Variants in FAM118B observed in about 807,000 individuals in gnomAD.
FAM118B encodes the protein protein FAM118B.
Under a neutral mutation model 38.5 loss-of-function variants are expected in FAM118B, and 24 were observed. The observed-to-expected ratio is 0.62, with a 90% CI of 0.45 to 0.88. FAM118B has a LOEUF of 0.88. Among genes scored for constraint, FAM118B ranks in the 40% least tolerant of loss-of-function variants. The probability of loss-of-function intolerance (pLI) is 0.00; values close to 1 mark genes in which losing one functional copy is unlikely to be tolerated. For synonymous variants in FAM118B, 138 were observed against 156.3 expected (o/e 0.88, Z 0.87); for missense variants, 334 against 420.0 (o/e 0.80, Z 1.79).
At chr11:126,236,415 G>A (rs1287109281) in intron 3 of FAM118B, among the ~76,000 whole-genome samples, 5 of 152,114 alleles carry the variant, frequency 3.3e-5, no homozygotes, top group Admixed American at 1.3e-4. Flanking sequence ...TAGCCACTCT[G>A]TTCTGATTCC....
At chr11:126,221,912 C>A (rs2135131694) in intron 1 of FAM118B, among the ~76,000 whole-genome samples, 1 of 152,116 alleles carries the variant, frequency 6.6e-6, no homozygotes, top group South Asian at 2.1e-4. Flanking sequence ...TGATTTTCCT[C>A]AAGCAGAAGT....
Position 126,262,406 on chromosome 11 carries a change from G to A in FAM118B, c.*273G>A. 2 of 522,666 alleles carry A rather than the reference G, an allele frequency of 3.8e-6. No individual in the cohort carries two copies. Among genetic ancestry groups the A allele is most frequent in the South Asian group, 5.1e-5 (2 of 39,152 alleles). 32.4% of individuals were successfully genotyped at this position (522,666 alleles called of 1,614,324 possible). A position where few individuals can be genotyped will look rare whatever the true frequency, so the allele number is the denominator to read the frequency against. On this transcript the variant is annotated 3_prime_UTR_variant, in exon 9 of 9. Coordinates refer to ENST00000533050, the MANE Select transcript of FAM118B (RefSeq NM_024556.4). ...CCCACTCCCCAGGCTAGACATGCTT[G>A]TGTCCACACAGCACACCAATGTGAT...
chr11:126,211,751 C>G (rs1307086448), upstream of FAM118B: 8 of 1,242,676 alleles, frequency 6.4e-6, no homozygotes, highest in Non-Finnish European at 7.8e-6. Context: ...CTGGGCGAGT[C>G]ACGTGGGGAC....
At chr11:126,226,789 T>A (rs1950147605) in intron 1 of FAM118B, among the ~76,000 whole-genome samples, 1 of 152,020 alleles carries the variant, frequency 6.6e-6, no homozygotes, top group Admixed American at 6.6e-5. Context: ...AAGACCAACC[T>A]GGACAACATG....
At position 126,229,592 on chromosome 11, in the gene FAM118B, A is replaced by G. The variant is rs564602132; in HGVS notation, c.-8+299A>G. Among the ~76,000 whole-genome samples, 49 of 152,182 alleles carry G rather than the reference A, an allele frequency of 3.2e-4. 1 individual carries two copies. The South Asian group carries it at 8.3e-3, about 26-fold the overall frequency. ...CGAGTAGCTGGGATTACAGGCGCCC[A>G]CCACCGCACCCGGCTAAATTTTGTA... On this transcript the variant is annotated intron_variant, in intron 2 of 8. Transcript: ENST00000533050.
chr11:126,237,818 C>T (rs1950299776), intron 3 of FAM118B, among the ~76,000 whole-genome samples: 2 of 137,648 alleles, frequency 1.5e-5, no homozygotes, highest in South Asian at 4.6e-4. Context: ...GATTGTGTCA[C>T]TGCACTCCAG....
intron 4 of FAM118B, among the ~76,000 whole-genome samples, chr11:126,245,600 A>G (rs1412338015): frequency 6.6e-6 from 1 of 152,060 alleles, no homozygotes; most frequent in Non-Finnish European, 1.5e-5. Context: ...AGGCTGAGGT[A>G]GGAGGATCAT....
chr11:126,244,570 G>A lies in FAM118B; in HGVS notation c.339+3526G>A, dbSNP rs779101519. On this transcript the variant is annotated intron_variant, in intron 4 of 8. Transcript: ENST00000533050. This position sits in a 1 kb window ranked among gnomAD's most constrained non-coding sequence, Gnocchi z 4.5. ...TGTTGTCTCAGCGCTTTGGGAGGCC[G>A]AGGTGGGCGGATCACCTGAGGTCGG... Among the ~76,000 whole-genome samples, 4 of 152,188 alleles carry A rather than the reference G, an allele frequency of 2.6e-5. No individual in the cohort carries two copies. Among genetic ancestry groups the A allele is most frequent in the Non-Finnish European group, 5.9e-5 (4 of 68,044 alleles).
chr11:126,256,238 C>T lies in FAM118B; in HGVS notation c.697-329C>T, dbSNP rs144917866. Among the ~76,000 whole-genome samples, 125 of 152,280 alleles carry T rather than the reference C, an allele frequency of 8.2e-4. No homozygotes were observed. Among genetic ancestry groups the T allele is most frequent in the African/African-American group, 2.9e-3 (119 of 41,570 alleles). On this transcript the variant is annotated intron_variant, in intron 6 of 8. Coordinates refer to ENST00000533050, the MANE Select transcript of FAM118B (RefSeq NM_024556.4). The surrounding 1 kb of genome is among the most constrained non-coding windows in gnomAD (Gnocchi z 6.6). ...CCGAGGTCACACCACTACACTCTAGCCCAGGTGAAAGAGTGAGACTCCGTC... is the reference window on the plus strand; with the variant it reads ...CCGAGGTCACACCACTACACTCTAGTCCAGGTGAAAGAGTGAGACTCCGTC...
Position 126,250,770 on chromosome 11 carries a change from T to A in FAM118B, c.567+37T>A, listed in dbSNP as rs376032816. ...AGCATTGGTCCCTTCTTCAGGCTAG[T>A]GGATTTTATCTTCCTCAGAAAAGCT... On this transcript the variant is annotated intron_variant, in intron 5 of 8. Coordinates refer to ENST00000533050, the MANE Select transcript of FAM118B (RefSeq NM_024556.4). The surrounding 1 kb of genome is among the most constrained non-coding windows in gnomAD (Gnocchi z 5.1). 6.8e-7 allele frequency: 1 copy of A among 1,475,850 alleles called. No homozygotes were observed. The highest frequency in any genetic ancestry group is 9.4e-7 in the Non-Finnish European group (1 of 1,068,024). The allele number at this position is 1,475,850 out of a possible 1,614,324, so 91.4% of individuals were successfully genotyped here.
chr11:126,262,185 A>C lies in FAM118B; in HGVS notation c.*52A>C, dbSNP rs774364059. On this transcript the variant is annotated 3_prime_UTR_variant, in exon 9 of 9. Transcript: ENST00000533050. The stretch of plus-strand genomic sequence containing the variant: ...AGACCAAGCTGTAAGGCCCTACTAC[A>C]GACAGTGTTTAACAAGTAAACTTAC... The C allele has an allele frequency of 6.3e-7, 1 of 1,595,318 alleles. No individual in the cohort carries two copies. Among genetic ancestry groups the C allele is most frequent in the Admixed American group, 1.7e-5 (1 of 59,776 alleles).
rs1565344117 is a variant in FAM118B at position 126,262,847 on chromosome 11, A to ACC, written c.*715_*716dup. 6.6e-6 allele frequency: 1 copy of ACC among 152,618 alleles called. No individual in the cohort carries two copies. Among genetic ancestry groups the ACC allele is most frequent in the African/African-American group, 2.4e-5 (1 of 41,458 alleles). The allele number at this position is 152,618 out of a possible 1,614,324, so 9.5% of individuals were successfully genotyped here. The stretch of plus-strand genomic sequence containing the variant: ...TATCAACTTCTGCTCTGTTGTCCTG[A>ACC]CCATACATATGTCCTAGAACTACAG... On this transcript the variant is annotated 3_prime_UTR_variant, in exon 9 of 9. Transcript: ENST00000533050.
intron 2 of FAM118B, among the ~76,000 whole-genome samples, chr11:126,230,616 CT>C (rs1265261027): frequency 6.6e-6 from 1 of 152,040 alleles, no homozygotes; most frequent in African/African-American, 2.4e-5. Context: ...GGCAAAAATA[CT>C]TTTTAAAACA....
At chr11:126,225,403 C>A (rs1376771708) in intron 1 of FAM118B, among the ~76,000 whole-genome samples, 1 of 152,196 alleles carries the variant, frequency 6.6e-6, no homozygotes, top group African/African-American at 2.4e-5. Context: ...GTGTACATCA[C>A]GTGTATTCTG....
At position 126,219,349 on chromosome 11, in the gene FAM118B, C is replaced by CTTTTTTTTTTTTTTTTTTTTTTTTT. The variant is rs549922825; in HGVS notation, c.-77+7535_-77+7559dup. ...AGCTTATCCTTCAGCTCTTGTTTAT[C>CTTTTTTTTTTTTTTTTTTTTTTTTT]TTTTTTTTTTTTTTTTTTTTTTTTT... is the stretch of plus-strand genomic sequence containing the variant. On this transcript the variant is annotated intron_variant, in intron 1 of 8. Transcript: ENST00000533050. Among the ~76,000 whole-genome samples, 8 of 44,466 alleles carry CTTTTTTTTTTTTTTTTTTTTTTTTT rather than the reference C, an allele frequency of 1.8e-4. 1 individual carries two copies. The highest frequency in any genetic ancestry group is 3.3e-4 in the Admixed American group (1 of 3,014). The allele number at this position is 44,466 out of a possible 152,430, so 29.2% of individuals were successfully genotyped here.
Position 126,253,947 on chromosome 11 carries a change from A to C in FAM118B, c.568-358A>C, listed in dbSNP as rs912050601. On this transcript the variant is annotated intron_variant, in intron 5 of 8. Coordinates refer to ENST00000533050, the MANE Select transcript of FAM118B (RefSeq NM_024556.4). The surrounding 1 kb of genome is among the most constrained non-coding windows in gnomAD (Gnocchi z 5.1). ...CCTGGAGTCACTCCGAAGAGGGGCC[A>C]CACAAGGGCCTGGATACAGAGGCTT... is the stretch of plus-strand genomic sequence containing the variant. 6.6e-6 allele frequency among the ~76,000 whole-genome samples: 1 copy of C among 152,342 alleles called. No homozygotes were observed. The highest frequency in any genetic ancestry group is 3.4e-3 in the Middle Eastern group (1 of 294).
At chr11:126,242,253 TG>T (rs1380245979) in intron 4 of FAM118B, among the ~76,000 whole-genome samples, 1 of 152,074 alleles carries the variant, frequency 6.6e-6, no homozygotes, top group Non-Finnish European at 1.5e-5. Context: ...ATAGATAAAC[TG>T]GACTTCTCCA....
At chr11:126,247,873 A>G (rs1296540583) in intron 4 of FAM118B, among the ~76,000 whole-genome samples, 1 of 145,780 alleles carries the variant, frequency 6.9e-6, no homozygotes, top group Non-Finnish European at 1.5e-5. Flanking sequence ...AAAAATATAT[A>G]TATATATCTA....
intron 2 of FAM118B, among the ~76,000 whole-genome samples, chr11:126,230,846 C>G (rs2135148799): frequency 6.6e-6 from 1 of 152,322 alleles, no homozygotes; most frequent in African/African-American, 2.4e-5. Flanking sequence ...CACCAAGATG[C>G]TATCAAAACA....
Sources: gnomAD v4.1 joint callset for allele counts (sites outside exome capture counted in the v4.1 genomes callset) on GRCh38, gnomAD v4.1.1 for gene constraint, Gnocchi (gnomAD v3.1) non-coding constraint, MANE v1.5 for transcripts, NCBI Gene and HGNC (gene_info 2026-07-23, HGNC 2026-07-21) for gene names.